Variants in SGCZ observed in about 807,000 individuals in gnomAD.
SGCZ encodes zeta-sarcoglycan.
A neutral mutation model predicts 41.3 loss-of-function variants in SGCZ; 40 were observed. The ratio of observed to expected loss-of-function variants is 0.97; its 90% CI spans 0.75 to 1.26. The LOEUF is 1.26. Among genes scored for constraint, SGCZ ranks in the 50% most tolerant of loss-of-function variants. SGCZ has a pLI of 0.00. For synonymous variants in SGCZ, 206 were observed against 137.5 expected (o/e 1.50, Z -3.49); for missense variants, 552 against 369.8 (o/e 1.49, Z -4.04).
intron 1 of SGCZ, among the ~76,000 whole-genome samples, chr8:15,193,572 T>C (rs968380097): frequency 6.6e-6 from 1 of 151,988 alleles, no homozygotes; most frequent in Admixed American, 6.5e-5. Flanking sequence ...AAATGACCAA[T>C]GCCCACAACC....
At chr8:14,296,011 G>C (rs1045346078) in intron 3 of SGCZ, among the ~76,000 whole-genome samples, 2 of 152,134 alleles carry the variant, frequency 1.3e-5, no homozygotes, top group Non-Finnish European at 2.9e-5. Flanking sequence ...ACTGCTGGTA[G>C]TGTAAGTTCA....
At chr8:14,279,055 T>C (rs1800332408) in intron 3 of SGCZ, among the ~76,000 whole-genome samples, 1 of 152,070 alleles carries the variant, frequency 6.6e-6, no homozygotes, top group South Asian at 2.1e-4. Flanking sequence ...GATAGGAAGA[T>C]ATTGTGCCAC....
intron 1 of SGCZ, among the ~76,000 whole-genome samples, chr8:14,771,175 C>G (rs1170207823): frequency 1.3e-5 from 2 of 151,990 alleles, no homozygotes; most frequent in African/African-American, 4.8e-5. Flanking sequence ...CTACCCAAGG[C>G]AAAGGGTCAG....
intron 1 of SGCZ, among the ~76,000 whole-genome samples, chr8:14,584,816 G>T (rs1301200670): frequency 6.6e-6 from 1 of 152,026 alleles, no homozygotes; most frequent in Non-Finnish European, 1.5e-5. Context: ...AGCACATACA[G>T]TATTCACTGT....
At chr8:14,543,948 T>C (rs2117158549) in intron 2 of SGCZ, among the ~76,000 whole-genome samples, 1 of 152,198 alleles carries the variant, frequency 6.6e-6, no homozygotes, top group South Asian at 2.1e-4. Flanking sequence ...TTATGGCCCA[T>C]CACCAGTGTT....
intron 2 of SGCZ, among the ~76,000 whole-genome samples, chr8:14,384,317 C>T (rs955696571): frequency 1.3e-5 from 2 of 152,000 alleles, no homozygotes; most frequent in Non-Finnish European, 2.9e-5. Flanking sequence ...TATGGCTGCA[C>T]AGTTGTTTAT....
chr8:14,136,324 G>A (rs1415140881), intron 5 of SGCZ, among the ~76,000 whole-genome samples: 3 of 152,198 alleles, frequency 2.0e-5, no homozygotes, highest in African/African-American at 7.2e-5. Context: ...AGCCCATGAA[G>A]TGTGAGCCGA....
chr8:14,209,135 G>T (rs1028563818), intron 4 of SGCZ, among the ~76,000 whole-genome samples: 1 of 152,196 alleles, frequency 6.6e-6, no homozygotes, highest in African/African-American at 2.4e-5. Context: ...CACGTGGAAA[G>T]CCCATTTGCA....
intron 5 of SGCZ, among the ~76,000 whole-genome samples, chr8:14,154,993 G>A (rs1484854257): frequency 6.6e-6 from 1 of 152,158 alleles, no homozygotes; most frequent in Non-Finnish European, 1.5e-5. Flanking sequence ...CGTTGAAATT[G>A]CAGGTTGCGA....
intron 5 of SGCZ, among the ~76,000 whole-genome samples, chr8:14,131,471 G>C (rs1480605022): frequency 6.6e-6 from 1 of 152,060 alleles, no homozygotes; most frequent in African/African-American, 2.4e-5. Flanking sequence ...TTGTATTCTG[G>C]CCTCTATGGT....
In SGCZ at chr8:14,544,347, A is replaced by G. The variant is rs560721552; in HGVS notation, c.234+10385T>C. On this transcript the variant is annotated intron_variant, in intron 2 of 7. Transcript: ENST00000382080. ...AACATGTGTGTTTGAACAATATGAA[A>G]TCAGTGCACCTTGAAAAATAACAGA... is the stretch of plus-strand genomic sequence containing the variant. Among the ~76,000 whole-genome samples, 7 of 152,246 alleles carry G rather than the reference A, an allele frequency of 4.6e-5. No homozygotes were observed. In the East Asian group the frequency reaches 1.2e-3, roughly 25 times the overall value.
intron 1 of SGCZ, among the ~76,000 whole-genome samples, chr8:14,696,901 C>T (rs191043424): frequency 1.4e-4 from 21 of 150,746 alleles, no homozygotes; most frequent in African/African-American, 3.9e-4. Context: ...CAAGAAGAGG[C>T]GAAATATGTT....
At chr8:14,784,057 T>G (rs1269452225) in intron 1 of SGCZ, among the ~76,000 whole-genome samples, 2 of 43,442 alleles carry the variant, frequency 4.6e-5, no homozygotes, top group African/African-American at 8.1e-5. Flanking sequence ...TTTAATGTTT[T>G]TTTTTTTTTT....
At chr8:15,214,281 G>T (rs533018882) in intron 1 of SGCZ, among the ~76,000 whole-genome samples, 1 of 152,010 alleles carries the variant, frequency 6.6e-6, no homozygotes, top group South Asian at 2.1e-4. Flanking sequence ...TTGATTTTTG[G>T]TTTGTTTTAA....
At chr8:14,725,882 T>C (rs1810031698) in intron 1 of SGCZ, among the ~76,000 whole-genome samples, 1 of 152,210 alleles carries the variant, frequency 6.6e-6, no homozygotes, top group South Asian at 2.1e-4. Flanking sequence ...ACTAAAAAAG[T>C]AGATATGTTA....
intron 3 of SGCZ, among the ~76,000 whole-genome samples, chr8:14,284,368 G>C (rs944718676): frequency 6.6e-6 from 1 of 152,174 alleles, no homozygotes; most frequent in African/African-American, 2.4e-5. Context: ...TTCCAGCCTG[G>C]GTGACAGAGC....
intron 2 of SGCZ, among the ~76,000 whole-genome samples, chr8:14,480,723 A>G (rs573590899): frequency 6.6e-6 from 1 of 152,158 alleles, no homozygotes; most frequent in South Asian, 2.1e-4. Flanking sequence ...TATAAAGACT[A>G]TATTCTTTAT....
In SGCZ at chr8:14,089,602, AT is replaced by A. The variant is rs1304093472; in HGVS notation, c.*840del. 6.6e-6 allele frequency among the ~76,000 whole-genome samples: 1 copy of A among 152,088 alleles called. No individual in the cohort carries two copies. The highest frequency in any genetic ancestry group is 1.5e-5 in the Non-Finnish European group (1 of 67,984). On this transcript the variant is annotated 3_prime_UTR_variant, in exon 8 of 8. Coordinates refer to ENST00000382080, the MANE Select transcript of SGCZ (RefSeq NM_139167.4). ...TTTTTAAAAATCATCTATGGATTTA[AT>A]ACCATCAACATATCCTTCTTAATCC...
chr8:14,979,444 G>T (rs1801590238), intron 1 of SGCZ, among the ~76,000 whole-genome samples: 1 of 152,178 alleles, frequency 6.6e-6, no homozygotes, highest in Non-Finnish European at 1.5e-5. Context: ...GGGAAGTAAT[G>T]TACAAGGCTT....
Sources: allele counts gnomAD v4.1 joint callset (sites outside exome capture counted in the v4.1 genomes callset), GRCh38; gene constraint gnomAD v4.1.1; transcripts MANE v1.5; gene names NCBI Gene and HGNC (gene_info 2026-07-23, HGNC 2026-07-21).